The following SPATA13 variants were observed in gnomAD, a reference collection of about 807,000 sequenced individuals.
SPATA13 encodes spermatogenesis-associated protein 13.
A neutral mutation model predicts 104.0 loss-of-function variants in SPATA13; 50 were observed. The observed-to-expected ratio is 0.48, with a 90% confidence interval of 0.38 to 0.61. SPATA13 has a LOEUF of 0.61. Among genes scored for constraint, SPATA13 ranks in the 20% least tolerant of loss-of-function variants. The pLI is 0.00. For synonymous variants in SPATA13, 606 were observed against 667.5 expected (o/e 0.91, Z 1.42); for missense variants, 1,524 against 1,690.6 (o/e 0.90, Z 1.73).
In SPATA13 at chr13:24,297,528, C is replaced by G; in HGVS notation, c.3376C>G (p.Arg1126Gly). ...LRRDMLYYKG[R>G]LDMDEMELVD... The stretch of plus-strand genomic sequence containing the variant: ...CAGGGACATGCTGTACTACAAGGGC[C>G]GGCTGGACATGGATGAGATGGAGCT... Residue 1126 changes from arginine (R) to glycine (G), a missense_variant, in exon 11 of 13, where the codon CGG becomes GGG. Arg to Gly is a moderately radical substitution (Grantham distance 125). Around this residue, in one of 2 missense-constraint regions of SPATA13, gnomAD observed 435 missense variants for 554.8 expected, o/e 0.78. Transcript: ENST00000382108. The G allele has an allele frequency of 1.9e-6, 3 of 1,614,174 alleles. No homozygotes were observed. Among genetic ancestry groups the G allele is most frequent in the Non-Finnish European group, 2.5e-6 (3 of 1,180,050 alleles).
intron 1 of SPATA13, among the ~76,000 whole-genome samples, chr13:24,194,614 G>A (rs936046149): frequency 6.6e-6 from 1 of 152,126 alleles, no homozygotes; most frequent in Admixed American, 6.6e-5. Context: ...TAATGAGCCC[G>A]GTAGGTCCTC....
chr13:24,147,429 C>G (rs955310389), intron 3 of SPATA13, among the ~76,000 whole-genome samples: 1 of 152,156 alleles, frequency 6.6e-6, no homozygotes. Context: ...CTGCCCTACA[C>G]GTTAATGCTG....
rs187231532 is a variant in SPATA13, at chr13:24,226,692, T to C, written c.1653+2110T>C. Among the ~76,000 whole-genome samples the C allele has an allele frequency of 3.3e-5, 5 of 152,326 alleles. No homozygotes were observed. In the East Asian group the frequency reaches 9.6e-4, roughly 29 times the overall value. ...GCAAATGCTCCTTCCCACCCATCCC[T>C]GGGGAGGACCTCAGTTTTGTCTTAG... On this transcript the variant is annotated intron_variant, in intron 2 of 12. Coordinates refer to ENST00000382108, the MANE Select transcript of SPATA13 (RefSeq NM_001166271.3).
chr13:24,266,833 C>T (rs1006133856), intron 4 of SPATA13, among the ~76,000 whole-genome samples: 25 of 151,538 alleles, frequency 1.6e-4, no homozygotes, highest in African/African-American at 5.8e-4. Flanking sequence ...CCTCTGTCAC[C>T]CAGGCTGGTG....
intron 2 of SPATA13, among the ~76,000 whole-genome samples, chr13:24,010,802 G>A (rs1876439536): frequency 1.3e-5 from 2 of 152,000 alleles, no homozygotes; most frequent in South Asian, 4.2e-4. Context: ...TGCCTTGTTG[G>A]TGGATCTGAG....
At chr13:24,036,203 T>C (rs1877676524) in intron 3 of SPATA13, among the ~76,000 whole-genome samples, 1 of 152,190 alleles carries the variant, frequency 6.6e-6, no homozygotes, top group Admixed American at 6.5e-5. Context: ...TATGAAAGTA[T>C]CTATATTTTC....
Position 24,011,316 on chromosome 13 carries a change from G to A in SPATA13, c.-146-6351G>A, listed in dbSNP as rs1255190108. 6.6e-6 allele frequency among the ~76,000 whole-genome samples: 1 copy of A among 152,150 alleles called. No individual in the cohort carries two copies. Among genetic ancestry groups the A allele is most frequent in the Non-Finnish European group, 1.5e-5 (1 of 68,030 alleles). On this transcript the variant is annotated intron_variant, in intron 2 of 14. Coordinates refer to the SPATA13 transcript ENST00000424834. The surrounding 1 kb of genome is among the most constrained non-coding windows in gnomAD (Gnocchi z 4.3). ...TTCCTTTCATTTCTGAGGCAGTGCC[G>A]GCCGGCTTGGCCATCTCATGCTGTC...
chr13:24,028,926 A>C (rs1049079330), intron 3 of SPATA13, among the ~76,000 whole-genome samples: 3 of 151,852 alleles, frequency 2.0e-5, no homozygotes, highest in Non-Finnish European at 4.4e-5. Flanking sequence ...TTAAACATGA[A>C]AATGTTTTAT....
intron 1 of SPATA13, among the ~76,000 whole-genome samples, chr13:24,198,562 A>G (rs1295173673): frequency 6.6e-6 from 1 of 152,230 alleles, no homozygotes. Flanking sequence ...TGGGATTACT[A>G]TAGAGGTATG....
chr13:24,269,384 GTATGTGTGTATGTAT>G (rs1332358183), intron 4 of SPATA13, among the ~76,000 whole-genome samples: 4 of 151,804 alleles, frequency 2.6e-5, no homozygotes, highest in African/African-American at 9.7e-5. Context: ...GTGTATGTAT[GTATGTGTGTATGTAT>G]GTATGTATCT....
chr13:23,984,396 C>T (rs927503891), intron 2 of SPATA13, among the ~76,000 whole-genome samples: 4 of 152,162 alleles, frequency 2.6e-5, no homozygotes, highest in Non-Finnish European at 5.9e-5. Flanking sequence ...CTATTTTATC[C>T]ATCATTTGCT....
chr13:24,059,223 G>GTAATCCAA (rs1878692870), intron 3 of SPATA13, among the ~76,000 whole-genome samples: 3 of 151,500 alleles, frequency 2.0e-5, no homozygotes, highest in African/African-American at 7.3e-5. Flanking sequence ...CACCCCCCTC[G>GTAATCCAA]GCCTCCTAAA....
intron 3 of SPATA13, among the ~76,000 whole-genome samples, chr13:24,060,368 A>G (rs1438194551): frequency 6.6e-6 from 1 of 152,230 alleles, no homozygotes. Flanking sequence ...TACTGGGATA[A>G]CTAGCTAACC....
chr13:24,065,849 A>T (rs1223221854), intron 3 of SPATA13, among the ~76,000 whole-genome samples: 4 of 152,210 alleles, frequency 2.6e-5, no homozygotes, highest in African/African-American at 4.8e-5. Flanking sequence ...GTTCTAAAGC[A>T]TGGGCTCTGA....
chr13:24,253,337 A>G (rs1379347375), intron 4 of SPATA13: 3 of 152,214 alleles, frequency 2.0e-5, no homozygotes, highest in Non-Finnish European at 4.4e-5. Context: ...CACCTGTTCC[A>G]TGAACCCTCT....
chr13:24,091,606 T>C (rs1879913651), intron 3 of SPATA13, among the ~76,000 whole-genome samples: 1 of 152,038 alleles, frequency 6.6e-6, no homozygotes, highest in Admixed American at 6.5e-5. Flanking sequence ...TGGTCAGGAG[T>C]CTGAGACCAG....
chr13:24,140,863 C>T (rs114546759), intron 3 of SPATA13, among the ~76,000 whole-genome samples: 2,190 of 152,232 alleles, frequency 0.014, 63 homozygotes, highest in African/African-American at 0.05. Context: ...TTCATATAAT[C>T]GTAAAGGAGA....
rs147164773 is a variant in SPATA13 at position 24,232,874 on chromosome 13, T to C, written c.1653+8292T>C. On this transcript the variant is annotated intron_variant, in intron 2 of 12. Coordinates refer to ENST00000382108, the MANE Select transcript of SPATA13 (RefSeq NM_001166271.3). ...CAGTTTTATAATATTTTTTAAAGAG[T>C]CAAAATTCTTAGTTTTGATGAAAAT... is the stretch of plus-strand genomic sequence containing the variant. Among the ~76,000 whole-genome samples the C allele has an allele frequency of 7.3e-3, 1,118 of 152,274 alleles. 13 individuals are homozygous for C. Among genetic ancestry groups the C allele is most frequent in the African/African-American group, 0.024 (1,014 of 41,548 alleles).
At chr13:24,077,262 CAAAAAA>C (rs60810328) in intron 3 of SPATA13, among the ~76,000 whole-genome samples, 70 of 73,016 alleles carry the variant, frequency 9.6e-4, no homozygotes, top group African/African-American at 3.8e-3. Flanking sequence ...GACTCCATGT[CAAAAAA>C]AAAAAAAAAA....
Sources: allele counts gnomAD v4.1 joint callset (sites outside exome capture counted in the v4.1 genomes callset), GRCh38; gene constraint gnomAD v4.1.1; regional missense constraint gnomAD v4.1.1; non-coding constraint Gnocchi (gnomAD v3.1); transcripts MANE v1.5; gene names NCBI Gene and HGNC (gene_info 2026-07-23, HGNC 2026-07-21).